Variants in FRMD3 observed in about 807,000 individuals in gnomAD.
FRMD3 encodes FERM domain-containing protein 3.
In FRMD3, 33 loss-of-function variants were observed where a neutral mutation model predicts 70.2. The ratio of observed to expected loss-of-function variants is 0.47; its 90% confidence interval spans 0.36 to 0.63. The LOEUF (loss-of-function observed/expected upper bound fraction) is 0.63, where lower values mean the gene tolerates loss of function less well. Among genes scored for constraint, FRMD3 ranks in the 20% least tolerant of loss-of-function variants. The pLI is 0.00. For synonymous variants in FRMD3, 279 were observed against 255.9 expected (o/e 1.09, Z -0.86); for missense variants, 632 against 711.4 (o/e 0.89, Z 1.27).
At chr9:83,347,163 G>C (rs1353159060) in intron 4 of FRMD3, among the ~76,000 whole-genome samples, 1 of 152,210 alleles carries the variant, frequency 6.6e-6, no homozygotes, top group Non-Finnish European at 1.5e-5. Context: ...AGCTTCCTGA[G>C]AAAAGAAAAG....
At chr9:83,542,782 C>G (rs1587546940), upstream of FRMD3, among the ~76,000 whole-genome samples, 1 of 152,136 alleles carries the variant, frequency 6.6e-6, no homozygotes, top group African/African-American at 2.4e-5. Context: ...AATAGAGGGA[C>G]CAGAAAGAAA....
intron 13 of FRMD3, among the ~76,000 whole-genome samples, chr9:83,271,323 CAGGTTAGACATTA>C (rs1833543257): frequency 6.6e-6 from 1 of 152,096 alleles, no homozygotes; most frequent in South Asian, 2.1e-4. Context: ...TCTTTGTAAT[CAGGTTAGACATTA>C]AGTATCCATT....
chr9:83,568,955 G>GATAGATAGATAGATAC, the FRMD3 span, among the ~76,000 whole-genome samples: 5 of 130,838 alleles, frequency 3.8e-5, no homozygotes, highest in African/African-American at 1.2e-4. Context: ...TAGATAGATA[G>GATAGATAGATAGATAC]ATACATACAT....
chr9:83,272,731 T>A (rs1303099117), intron 13 of FRMD3, among the ~76,000 whole-genome samples: 1 of 148,864 alleles, frequency 6.7e-6, no homozygotes, highest in East Asian at 2.0e-4. Flanking sequence ...ATCTAGGAAG[T>A]GAGGAGCGTC....
At chr9:83,275,596 T>A (rs1833769358) in intron 13 of FRMD3, among the ~76,000 whole-genome samples, 2 of 152,108 alleles carry the variant, frequency 1.3e-5, no homozygotes, top group South Asian at 2.1e-4. Context: ...CCTCTAAGGA[T>A]CAAGCACCAT....
the FRMD3 span, among the ~76,000 whole-genome samples, chr9:83,561,273 CAT>C: frequency 7.2e-5 from 11 of 152,318 alleles, no homozygotes; most frequent in African/African-American, 9.6e-5. Context: ...AAGCTTCTAA[CAT>C]GTGTGATGGC....
chr9:83,317,151 A>G (rs924958824), intron 6 of FRMD3, among the ~76,000 whole-genome samples: 1 of 151,878 alleles, frequency 6.6e-6, no homozygotes, highest in Non-Finnish European at 1.5e-5. Context: ...TACAGAAAAC[A>G]AACTTATTGA....
chr9:83,513,723 A>G (rs1369805482), intron 1 of FRMD3, among the ~76,000 whole-genome samples: 1 of 152,176 alleles, frequency 6.6e-6, no homozygotes, highest in Non-Finnish European at 1.5e-5. Context: ...TGAGACCAAC[A>G]CAGAGGGTGG....
intron 3 of FRMD3, among the ~76,000 whole-genome samples, chr9:83,369,245 AC>A (rs1824890875): frequency 1.3e-5 from 2 of 152,288 alleles, no homozygotes; most frequent in East Asian, 3.9e-4. Flanking sequence ...ATAGCAAAAT[AC>A]CAGAAGCCAC....
chr9:83,538,275 C>A lies in FRMD3; in HGVS notation c.-44G>T. The A allele has an allele frequency of 6.6e-7, 1 of 1,522,024 alleles. No individual in the cohort carries two copies. The highest frequency in any genetic ancestry group is 8.8e-7 in the Non-Finnish European group (1 of 1,134,658). The allele number at this position is 1,522,024 out of a possible 1,614,324, so 94.3% of individuals were successfully genotyped here. ...GCGAGCGGGAGGCTCAGGGCCGGCGCGGTGCTCGCCTGCGCGGACACACAC... is the reference window on the plus strand; with the variant it reads ...GCGAGCGGGAGGCTCAGGGCCGGCGAGGTGCTCGCCTGCGCGGACACACAC... On this transcript the variant is annotated 5_prime_UTR_variant, in exon 1 of 14. Transcript: ENST00000304195. The surrounding 1 kb of genome is among the most constrained non-coding windows in gnomAD (Gnocchi z 4.7).
intron 2 of FRMD3, among the ~76,000 whole-genome samples, chr9:83,378,774 A>AATATATAATTTATATTATATATG (rs1564047849): frequency 3.7e-5 from 4 of 107,492 alleles, no homozygotes; most frequent in African/African-American, 3.9e-5. Context: ...TATTATATAT[A>AATATATAATTTATATTATATATG]ATATATATTA....
intron 13 of FRMD3, chr9:83,266,865 T>C: frequency 1.2e-6 from 1 of 820,530 alleles, no homozygotes; most frequent in Admixed American, 2.7e-5. Flanking sequence ...TCGTCTCTGC[T>C]TTTCTCCCTT....
the FRMD3 span, among the ~76,000 whole-genome samples, chr9:83,583,149 G>A: frequency 1.3e-5 from 2 of 151,992 alleles, no homozygotes; most frequent in South Asian, 2.1e-4. Flanking sequence ...TTGAGAATTC[G>A]CTTTAGAGAA....
chr9:83,251,433 A>C (rs971426408), intron 13 of FRMD3, among the ~76,000 whole-genome samples: 3 of 152,138 alleles, frequency 2.0e-5, no homozygotes, highest in East Asian at 3.9e-4. Context: ...AAACACTGAA[A>C]ACTGAAAAAA....
chr9:83,358,296 A>G (rs1423154172), intron 3 of FRMD3, among the ~76,000 whole-genome samples: 6 of 152,070 alleles, frequency 3.9e-5, no homozygotes, highest in African/African-American at 1.4e-4. Context: ...CTATGTGCCT[A>G]TTTTTATACC....
chr9:83,447,215 G>A (rs943791273), intron 1 of FRMD3, among the ~76,000 whole-genome samples: 1 of 152,126 alleles, frequency 6.6e-6, no homozygotes, highest in African/African-American at 2.4e-5. Context: ...AGTAGAGACA[G>A]GGTTTCATCA....
chr9:83,369,686 A>G (rs556076569), intron 3 of FRMD3, among the ~76,000 whole-genome samples: 275 of 152,060 alleles, frequency 1.8e-3, no homozygotes, highest in African/African-American at 6.4e-3. Context: ...TCAATTATGG[A>G]TATTTTTAAA....
intron 1 of FRMD3, among the ~76,000 whole-genome samples, chr9:83,435,001 G>T (rs997408765): frequency 6.6e-6 from 1 of 151,604 alleles, no homozygotes; most frequent in African/African-American, 2.4e-5. Context: ...ATTTTTGCGG[G>T]TTTTTTCTGT....
At chr9:83,473,725 C>A (rs1480602237) in intron 1 of FRMD3, among the ~76,000 whole-genome samples, 1 of 152,210 alleles carries the variant, frequency 6.6e-6, no homozygotes, top group African/African-American at 2.4e-5. Flanking sequence ...ATTCACCCCC[C>A]ATGAAGGAAA....
Sources: gnomAD v4.1 joint callset for allele counts (sites outside exome capture counted in the v4.1 genomes callset) on GRCh38, gnomAD v4.1.1 for gene constraint, Gnocchi (gnomAD v3.1) non-coding constraint, MANE v1.5 for transcripts, NCBI Gene and HGNC (gene_info 2026-07-23, HGNC 2026-07-21) for gene names.